UFSP2: variants seen among roughly 807,000 people sequenced by gnomAD.
UFSP2 encodes UFM1 specific peptidase 2.
Under a neutral mutation model 60.2 loss-of-function variants are expected in UFSP2, and 43 were observed. The observed-to-expected ratio is 0.71, with a 90% CI of 0.56 to 0.92. UFSP2 has a LOEUF of 0.92. Among genes scored for constraint, UFSP2 ranks in the 40% least tolerant of loss-of-function variants. The pLI is 0.00. For synonymous variants in UFSP2, 183 were observed against 195.1 expected, an observed-to-expected ratio of 0.94 and a Z score of 0.52; for missense variants, 520 against 575.0, an observed-to-expected ratio of 0.90 and a Z score of 0.98.
intron 7 of UFSP2, among the ~76,000 whole-genome samples, chr4:185,412,246 T>A (rs2153284568): frequency 6.6e-6 from 1 of 152,294 alleles, no homozygotes; most frequent in Middle Eastern, 3.4e-3. Flanking sequence ...CAAAAAGCAA[T>A]CAGTACTCAT....
chr4:185,408,790 T>C (rs1359451161), intron 7 of UFSP2, among the ~76,000 whole-genome samples: 1 of 152,180 alleles, frequency 6.6e-6, no homozygotes, highest in Non-Finnish European at 1.5e-5. Context: ...AAATTAATTG[T>C]ACAGCTTGCA....
chr4:185,418,404 C>A, intron 4 of UFSP2, 37 bp downstream of exon 4: 2 of 1,490,548 alleles, frequency 1.3e-6, no homozygotes, highest in African/African-American at 2.8e-5. Context: ...AAAGATTTAA[C>A]ATTTTTATCA....
chr4:185,416,855 C>T (rs1016348619), intron 4 of UFSP2, among the ~76,000 whole-genome samples: 4 of 152,144 alleles, frequency 2.6e-5, no homozygotes, highest in Admixed American at 2.6e-4. Flanking sequence ...ATAAAATAAG[C>T]ATCTATGGCA....
intron 2 of UFSP2, among the ~76,000 whole-genome samples, chr4:185,420,737 A>G (rs1019358281): frequency 2.6e-5 from 4 of 152,218 alleles, no homozygotes; most frequent in Non-Finnish European, 5.9e-5. Flanking sequence ...TGAAGCCTTT[A>G]AAGTTAAGCA....
intron 6 of UFSP2, among the ~76,000 whole-genome samples, chr4:185,414,445 T>C (rs1407871290): frequency 6.6e-6 from 1 of 152,162 alleles, no homozygotes; most frequent in Non-Finnish European, 1.5e-5. Flanking sequence ...AAGTTTGACA[T>C]GTTCTTTATC....
Position 185,399,716 on chromosome 4 carries a change from TCAGA to T in UFSP2, c.*672_*675del. On this transcript the variant is annotated 3_prime_UTR_variant, in exon 12 of 12. Transcript: ENST00000264689. ...GACAGGAATGATTGTGTTGCCGTGC[TCAGA>T]CAGAAACGGAGTCTCGGAAGTGTAG... is the stretch of plus-strand genomic sequence containing the variant. The T allele has an allele frequency of 3.1e-6, 5 of 1,614,170 alleles. No individual in the cohort carries two copies. The highest frequency in any genetic ancestry group is 4.2e-6 in the Non-Finnish European group (5 of 1,180,028).
Position 185,408,356 on chromosome 4 carries a change from T to C in UFSP2, c.911A>G (p.Tyr304Cys), listed in dbSNP as rs2095523937. Residue 304 changes from tyrosine to cysteine, a missense_variant, in exon 8 of 12, where the codon TAT becomes TGT. Tyr to Cys is a radical substitution (Grantham distance 194, BLOSUM62 -2). Coordinates refer to ENST00000264689, the MANE Select transcript of UFSP2 (RefSeq NM_018359.5). ...AGAGCAGATAGTCTGCAGAGATCGA[T>C]AAGCACAGCCCCAGCCATTGTCATC... ...RIDDNGWGCA[Y>C]RSLQTICSWF... The C allele has an allele frequency of 6.2e-7, 1 of 1,614,086 alleles. No homozygotes were observed. Among genetic ancestry groups the C allele is most frequent in the South Asian group, 1.1e-5 (1 of 91,084 alleles).
At chr4:185,418,349 T>TA in intron 4 of UFSP2, 92 bp downstream of exon 4, 2 of 978,008 alleles carry the variant, frequency 2.0e-6, no homozygotes, top group Non-Finnish European at 1.5e-6. Flanking sequence ...TGACCTATGA[T>TA]AAGAGGGTTA....
At chr4:185,416,542 A>G (rs1183930625) in intron 4 of UFSP2, among the ~76,000 whole-genome samples, 1 of 152,140 alleles carries the variant, frequency 6.6e-6, no homozygotes, top group East Asian at 1.9e-4. Context: ...AAGGTCAAGC[A>G]CTCTAGGGTT....
At chr4:185,414,103 A>T (rs2095534279) in intron 6 of UFSP2, among the ~76,000 whole-genome samples, 1 of 152,236 alleles carries the variant, frequency 6.6e-6, no homozygotes, top group African/African-American at 2.4e-5. Flanking sequence ...GGAACAGAGA[A>T]AAATGAATAT....
chr4:185,408,479 G>C (rs1466125225), intron 7 of UFSP2, 44 bp from the exon 8 acceptor site: 2 of 1,575,088 alleles, frequency 1.3e-6, no homozygotes, highest in Non-Finnish European at 1.7e-6. Flanking sequence ...ACTTAGGATA[G>C]AAGTACATAT....
At chr4:185,416,786 A>C (rs1319800630) in intron 4 of UFSP2, among the ~76,000 whole-genome samples, 1 of 152,194 alleles carries the variant, frequency 6.6e-6, no homozygotes, top group Non-Finnish European at 1.5e-5. Flanking sequence ...TATTGGCCAA[A>C]TCTTGGAAAA....
intron 10 of UFSP2, among the ~76,000 whole-genome samples, chr4:185,404,270 T>C (rs1316304089): frequency 6.7e-6 from 1 of 150,182 alleles, no homozygotes; most frequent in Non-Finnish European, 1.5e-5. Flanking sequence ...GTACCTCCAG[T>C]GATATAGCAC....
At chr4:185,405,637 T>C (rs938209850) in intron 10 of UFSP2, 143 bp downstream of exon 10, 8 of 819,488 alleles carry the variant, frequency 9.8e-6, no homozygotes, top group Non-Finnish European at 1.3e-5. Context: ...TTTTTTTCAA[T>C]ATCCAGAGAT....
intron 7 of UFSP2, among the ~76,000 whole-genome samples, chr4:185,413,426 G>C (rs1047047619): frequency 6.6e-6 from 1 of 152,000 alleles, no homozygotes; most frequent in African/African-American, 2.4e-5. Context: ...GTGTGGTTTG[G>C]GTAGACTATG....
chr4:185,415,682 G>A (rs1296156575), intron 5 of UFSP2, 28 bp downstream of exon 5: 1 of 1,584,182 alleles, frequency 6.3e-7, no homozygotes. Context: ...TCATTCAAAT[G>A]TGGCAGTGGT....
rs1023279062 is a variant in UFSP2 at position 185,408,300 on chromosome 4, A to T, written c.967T>A (p.Ser323Thr). The change falls in exon 8 of 12, where the codon TCC becomes ACC. Residue 323 changes from serine to threonine, a missense_variant. Transcript: ENST00000264689. ...WFKHQGYTER[S>T]IPTHREIQQA... The stretch of plus-strand genomic sequence containing the variant: ...TGAATTTCTCTGTGTGTTGGAATGG[A>T]CCTCTCTGTGTATCCCTGATGTTTG... 1.2e-6 allele frequency: 2 copies of T among 1,614,116 alleles called. No individual in the cohort carries two copies. The highest frequency in any genetic ancestry group is 1.7e-6 in the Non-Finnish European group (2 of 1,180,012).
At chr4:185,406,341 C>A (rs991512866) in intron 9 of UFSP2, among the ~76,000 whole-genome samples, 4 of 152,108 alleles carry the variant, frequency 2.6e-5, no homozygotes, top group Admixed American at 2.0e-4. Context: ...TCTGTGAAAT[C>A]AATGTGAAAA....
chr4:185,402,690 G>A (rs2095514791), intron 11 of UFSP2, among the ~76,000 whole-genome samples: 1 of 152,118 alleles, frequency 6.6e-6, no homozygotes, highest in African/African-American at 2.4e-5. Context: ...TGGCCAGGCT[G>A]GTCTCGAATT....
Sources: allele counts gnomAD v4.1 joint callset (sites outside exome capture counted in the v4.1 genomes callset), GRCh38; gene constraint gnomAD v4.1.1; transcripts MANE v1.5; gene names NCBI Gene and HGNC (gene_info 2026-07-23, HGNC 2026-07-21).